Variants in TBCK observed in about 807,000 individuals in gnomAD.
TBCK encodes the protein TBC1 domain containing kinase, also known as TBC domain-containing protein kinase-like protein.
In TBCK, 99 loss-of-function variants were observed where a neutral mutation model predicts 113.4. That is an observed-to-expected ratio of 0.87 (90% confidence interval 0.74 to 1.03). The LOEUF is 1.03. Among genes scored for constraint, TBCK ranks in the 50% least tolerant of loss-of-function variants. The probability of loss-of-function intolerance (pLI) is 0.00; values close to 1 mark genes in which losing one functional copy is unlikely to be tolerated. For missense variants in TBCK, 1,045 were observed against 1,061.3 expected, an observed-to-expected ratio of 0.98 and a Z score of 0.21; for synonymous variants, 369 against 370.8, an observed-to-expected ratio of 1.00 and a Z score of 0.05.
chr4:106,248,655 T>C (rs1274173276), intron 8 of TBCK, among the ~76,000 whole-genome samples: 1 of 152,176 alleles, frequency 6.6e-6, no homozygotes, highest in Non-Finnish European at 1.5e-5. Flanking sequence ...TAAGGGCTCT[T>C]CCCCTGGTGA....
chr4:106,051,536 ATTTG>A (rs1184958758), intron 25 of TBCK, among the ~76,000 whole-genome samples: 13 of 151,840 alleles, frequency 8.6e-5, no homozygotes, highest in Non-Finnish European at 1.8e-4. Flanking sequence ...AGCTGTAGTA[ATTTG>A]TTTTTCTTCA....
intron 23 of TBCK, among the ~76,000 whole-genome samples, chr4:106,119,265 A>G (rs961107392): frequency 6.6e-6 from 1 of 152,304 alleles, no homozygotes; most frequent in East Asian, 1.9e-4. Flanking sequence ...TTATAAAACA[A>G]CACTGGAAAT....
rs372163729 is a variant in TBCK at position 106,281,302 on chromosome 4, CA to C, written c.266+13791del. The stretch of plus-strand genomic sequence containing the variant: ...ACTGAATTCATTTATCACTTCTAAT[CA>C]TTTTTTTTTTTGGTGTAGTCTTTAG... On this transcript the variant is annotated intron_variant, in intron 3 of 25. Coordinates refer to ENST00000394708, the MANE Select transcript of TBCK (RefSeq NM_001163435.3). Among the ~76,000 whole-genome samples, 362 of 124,608 alleles carry C rather than the reference CA, an allele frequency of 2.9e-3. 3 individuals are homozygous for C. The highest frequency in any genetic ancestry group is 0.01 in the African/African-American group (320 of 31,196). 81.7% of individuals were successfully genotyped at this position (124,608 alleles called of 152,430 possible). A position where few individuals can be genotyped will look rare whatever the true frequency, so the allele number is the denominator to read the frequency against.
At chr4:106,080,459 T>C (rs939120194) in intron 25 of TBCK, among the ~76,000 whole-genome samples, 1 of 151,794 alleles carries the variant, frequency 6.6e-6, no homozygotes, top group African/African-American at 2.4e-5. Flanking sequence ...TGCTGGGACA[T>C]TCTAGCCAAA....
intron 22 of TBCK, among the ~76,000 whole-genome samples, chr4:106,183,266 C>T (rs1349085321): frequency 6.6e-6 from 1 of 152,004 alleles, no homozygotes; most frequent in Non-Finnish European, 1.5e-5. Context: ...GTGCTTAAAA[C>T]TTTCCAATTG....
intron 23 of TBCK, among the ~76,000 whole-genome samples, chr4:106,138,228 T>C (rs557563494): frequency 2.1e-5 from 3 of 141,578 alleles, no homozygotes; most frequent in South Asian, 2.4e-4. Context: ...CATAATCTCA[T>C]GGGACCACGG....
intron 3 of TBCK, among the ~76,000 whole-genome samples, chr4:106,277,568 TGAAG>T (rs1392004203): frequency 6.6e-6 from 1 of 152,122 alleles, no homozygotes; most frequent in East Asian, 1.9e-4. Context: ...TTATGCTGAA[TGAAG>T]GAAGAAGTCT....
chr4:106,134,171 ACT>A (rs1248477777), intron 23 of TBCK, among the ~76,000 whole-genome samples: 3 of 151,754 alleles, frequency 2.0e-5, no homozygotes, highest in East Asian at 1.9e-4. Context: ...TAAAAGTAAA[ACT>A]CTGAGATTTT....
At chr4:106,276,864 G>A (rs899592608) in intron 3 of TBCK, among the ~76,000 whole-genome samples, 2 of 151,876 alleles carry the variant, frequency 1.3e-5, no homozygotes, top group African/African-American at 4.8e-5. Context: ...GGGCAAGAGT[G>A]AGACTCCATT....
At chr4:106,115,821 T>C (rs928698248) in intron 24 of TBCK, among the ~76,000 whole-genome samples, 1 of 152,230 alleles carries the variant, frequency 6.6e-6, no homozygotes, top group African/African-American at 2.4e-5. Flanking sequence ...AAGGTCAGTG[T>C]TGAGATGTAG....
In TBCK at chr4:106,308,989, T is replaced by A. The variant is rs1007625024; in HGVS notation, c.-29A>T. 1.9e-5 allele frequency: 30 copies of A among 1,586,796 alleles called. No homozygotes were observed. The highest frequency in any genetic ancestry group is 2.6e-5 in the Non-Finnish European group (30 of 1,165,936). On this transcript the variant is annotated splice_region_variant and 5_prime_UTR_variant, in exon 2 of 26. Transcript: ENST00000394708. ...TGGAGTCCTAGGTCTTCTAAGATAA[T>A]CTGGAAAAGGAGAGAATTTTAGGAC...
chr4:106,250,281 CT>C (rs1166459002), intron 7 of TBCK, 136 bp downstream of exon 7: 13 of 556,266 alleles, frequency 2.3e-5, no homozygotes, highest in South Asian at 5.2e-5. Flanking sequence ...ATCATTACCA[CT>C]GATCATTAGC....
rs1371501173 is a variant in TBCK at position 106,248,304 on chromosome 4, C to T, written c.723G>A (p.Glu241=). The part of the protein sequence containing the change: ...EEHGCLDIIK[E]LPETVIDLLN... ...AAAGATCTATCACAGTTTCAGGAAG[C>T]TCCTGGTAAATAAAGAGAGAAAATA... is the stretch of plus-strand genomic sequence containing the variant. Residue 241 remains glutamate (E), a splice_region_variant and synonymous_variant, in exon 9 of 26, where the codon GAG becomes GAA. Transcript: ENST00000394708. 6.3e-7 allele frequency: 1 copy of T among 1,575,832 alleles called. No individual in the cohort carries two copies.
At chr4:106,156,071 T>A (rs954490407) in intron 23 of TBCK, among the ~76,000 whole-genome samples, 1 of 152,166 alleles carries the variant, frequency 6.6e-6, no homozygotes, top group Non-Finnish European at 1.5e-5. Context: ...TGTTGTGATC[T>A]AAGCTATATC....
intron 23 of TBCK, among the ~76,000 whole-genome samples, chr4:106,145,891 A>C (rs958796566): frequency 3.9e-5 from 6 of 152,202 alleles, no homozygotes; most frequent in African/African-American, 1.4e-4. Context: ...AAAAGTCAAA[A>C]AAACAGATGC....
At chr4:106,067,850 T>C (rs893266091) in intron 25 of TBCK, among the ~76,000 whole-genome samples, 1 of 152,220 alleles carries the variant, frequency 6.6e-6, no homozygotes, top group Non-Finnish European at 1.5e-5. Context: ...CATTGGTCTA[T>C]ATGTCTATCA....
At chr4:106,153,652 T>C (rs1179436695) in intron 23 of TBCK, among the ~76,000 whole-genome samples, 1 of 152,122 alleles carries the variant, frequency 6.6e-6, no homozygotes, top group Non-Finnish European at 1.5e-5. Flanking sequence ...TATCCAGTGC[T>C]GAAACAAGAG....
chr4:106,198,344 G>A (rs1349845497), intron 20 of TBCK, among the ~76,000 whole-genome samples: 1 of 152,084 alleles, frequency 6.6e-6, no homozygotes, highest in Admixed American at 6.5e-5. Context: ...ATTTAAAGTA[G>A]TATTATTATT....
intron 1 of TBCK, 45 bp from the exon 2 acceptor site, chr4:106,309,034 A>G: frequency 3.0e-6 from 4 of 1,311,566 alleles, no homozygotes; most frequent in Admixed American, 5.1e-5. Flanking sequence ...ATTAAGCCAG[A>G]CAGACCAAAT....
Sources: allele counts gnomAD v4.1 joint callset (sites outside exome capture counted in the v4.1 genomes callset), GRCh38; gene constraint gnomAD v4.1.1; transcripts MANE v1.5; gene names NCBI Gene and HGNC (gene_info 2026-07-23, HGNC 2026-07-21).